Variants in RSPH10B2 observed in about 807,000 individuals in gnomAD.
RSPH10B2 encodes radial spoke head 10 homolog B2 (Chlamydomonas).
A neutral mutation model predicts 49.0 loss-of-function variants in RSPH10B2; 9 were observed. That is an observed-to-expected ratio of 0.18 (90% CI 0.11 to 0.32). RSPH10B2 has a LOEUF of 0.32. Among genes scored for constraint, RSPH10B2 ranks in the 10% least tolerant of loss-of-function variants. RSPH10B2 has a pLI of 1.00. For synonymous variants in RSPH10B2, 35 were observed against 210.2 expected, an observed-to-expected ratio of 0.17 and a Z score of 7.21; for missense variants, 95 against 589.9, an observed-to-expected ratio of 0.16 and a Z score of 8.69.
chr7:6,797,527 C>A (rs1782635455), intron 18 of RSPH10B2, among the ~76,000 whole-genome samples: 2 of 152,316 alleles, frequency 1.3e-5, no homozygotes, highest in Middle Eastern at 3.4e-3. Context: ...TAACTAATAG[C>A]CAGTGACTTA....
intron 18 of RSPH10B2, among the ~76,000 whole-genome samples, chr7:6,797,865 ATAC>A (rs1348695966): frequency 1.1e-5 from 1 of 92,222 alleles, no homozygotes; most frequent in Non-Finnish European, 2.0e-5. Context: ...AAAAAAAAAA[ATAC>A]ACACACACAC....
intron 11 of RSPH10B2, among the ~76,000 whole-genome samples, chr7:6,780,414 C>T (rs1376522195): frequency 8.5e-6 from 1 of 117,324 alleles, no homozygotes; most frequent in Non-Finnish European, 1.8e-5. Flanking sequence ...GATGGAATCT[C>T]GCTCTGTCAC....
At chr7:6,769,719 G>A (rs867614507) in intron 7 of RSPH10B2, among the ~76,000 whole-genome samples, 20 of 114,640 alleles carry the variant, frequency 1.7e-4, no homozygotes, top group Non-Finnish European at 3.5e-4. Flanking sequence ...CACTAGAGTA[G>A]CTGGGATTAC....
Position 6,780,919 on chromosome 7 carries a change from C to A in RSPH10B2, c.1609+31C>A. Reference sequence around the variant, plus strand: ...TACAAAACCAATAGGATTCTATTTACCGCCCCATTTTTTTTTCTCAAAATA... The same window carrying A: ...TACAAAACCAATAGGATTCTATTTAACGCCCCATTTTTTTTTCTCAAAATA... On this transcript the variant is annotated intron_variant, in intron 12 of 18. Transcript: ENST00000297186. The A allele has an allele frequency of 1.4e-6, 2 of 1,411,478 alleles. 1 individual carries two copies. Among genetic ancestry groups the A allele is most frequent in the Non-Finnish European group, 1.9e-6 (2 of 1,067,882 alleles). 87.4% of individuals were successfully genotyped at this position (1,411,478 alleles called of 1,614,324 possible). A position where few individuals can be genotyped will look rare whatever the true frequency, so the allele number is the denominator to read the frequency against.
intron 4 of RSPH10B2, among the ~76,000 whole-genome samples, chr7:6,764,711 TGTGTGTGTGTGTG>T (rs1201529131): frequency 7.4e-5 from 1 of 13,492 alleles, no homozygotes; most frequent in Non-Finnish European, 1.8e-4. Context: ...GTTGTTGTTG[TGTGTGTGTGTGTG>T]TGTGTGTGTG....
At chr7:6,786,721 ATGTG>A (rs1053749951) in intron 14 of RSPH10B2, among the ~76,000 whole-genome samples, 153 bp from the exon 17 acceptor site, 33 of 140,518 alleles carry the variant, frequency 2.3e-4, no homozygotes, top group African/African-American at 7.1e-4. Flanking sequence ...GTGTGTGTGC[ATGTG>A]TGTGTGTCTT....
At chr7:6,796,042 G>A (rs1332050593) in intron 17 of RSPH10B2, among the ~76,000 whole-genome samples, 25 of 144,046 alleles carry the variant, frequency 1.7e-4, no homozygotes, top group African/African-American at 6.4e-4. Flanking sequence ...AGAGGTGGCT[G>A]GGCACAGTGG....
upstream of RSPH10B2, among the ~76,000 whole-genome samples, chr7:6,756,224 C>T (rs1781082231): frequency 7.1e-6 from 1 of 140,370 alleles, no homozygotes; most frequent in Admixed American, 7.0e-5. Context: ...GAGCCAAGAT[C>T]GCACCACCGC....
At chr7:6,782,551 C>T (rs1168200147) in intron 13 of RSPH10B2, among the ~76,000 whole-genome samples, 3 of 122,978 alleles carry the variant, frequency 2.4e-5, no homozygotes, top group African/African-American at 9.7e-5. Flanking sequence ...AATGGAGGAA[C>T]ACCTTAGTCT....
intron 18 of RSPH10B2, among the ~76,000 whole-genome samples, chr7:6,797,571 C>A: frequency 6.6e-6 from 1 of 152,256 alleles, no homozygotes; most frequent in Non-Finnish European, 1.5e-5. Flanking sequence ...CCATAAAGTC[C>A]CCAAATGGGC....
intron 17 of RSPH10B2, among the ~76,000 whole-genome samples, chr7:6,793,925 T>C (rs1782453425): frequency 1.3e-5 from 2 of 150,516 alleles, no homozygotes; most frequent in Admixed American, 1.3e-4. Flanking sequence ...CCTTTGCTGC[T>C]AGGCATCTTG....
At chr7:6,774,758 T>TG (rs1781709679) in intron 9 of RSPH10B2, among the ~76,000 whole-genome samples, 1 of 144,282 alleles carries the variant, frequency 6.9e-6, no homozygotes, top group Non-Finnish European at 1.5e-5. Flanking sequence ...TTTTTTTGTT[T>TG]TTTTTTTTTT....
Position 6,781,464 on chromosome 7 carries a change from C to T in RSPH10B2, c.1746C>T (p.Leu582=), listed in dbSNP as rs770953591. ...CTACGATGAAGATGAGACACTTCCT[C>T]TGGATGCTGAAAGTAACCACCTAAG... Residue 582 remains leucine, a synonymous_variant, in exon 13 of 19, where the codon CTC becomes CTT. Coordinates refer to ENST00000297186, the Ensembl canonical transcript of RSPH10B2. 8.7e-5 allele frequency: 110 copies of T among 1,259,168 alleles called. 28 individuals are homozygous for T. Among genetic ancestry groups the T allele is most frequent in the Non-Finnish European group, 1.0e-4 (101 of 968,440 alleles). 78.0% of individuals were successfully genotyped at this position (1,259,168 alleles called of 1,614,324 possible).
At chr7:6,792,696 A>T (rs1782391715) in intron 17 of RSPH10B2, among the ~76,000 whole-genome samples, 1 of 119,454 alleles carries the variant, frequency 8.4e-6, no homozygotes, top group Non-Finnish European at 1.7e-5. Flanking sequence ...TTCCGCTGTT[A>T]CTCTGCCGGC....
At chr7:6,764,471 C>T (rs1431469426) in intron 4 of RSPH10B2, among the ~76,000 whole-genome samples, 1 of 151,234 alleles carries the variant, frequency 6.6e-6, no homozygotes, top group African/African-American at 2.4e-5. Flanking sequence ...AGCAAATCTC[C>T]TGCCTCAGCC....
At chr7:6,766,758 T>C in exon 6 of RSPH10B2, 1 of 415,098 alleles carries the variant, frequency 2.4e-6, no homozygotes, top group Non-Finnish European at 4.0e-6. Context: ...TCATCCTAGT[T>C]ATAAATCTGG....
intron 18 of RSPH10B2, among the ~76,000 whole-genome samples, chr7:6,797,558 C>A (rs1164382237): frequency 1.3e-5 from 2 of 151,740 alleles, no homozygotes; most frequent in Admixed American, 6.6e-5. Context: ...CATATTGGAC[C>A]CTCCATAAAG....
chr7:6,756,132 T>C (rs574836787), upstream of RSPH10B2, among the ~76,000 whole-genome samples: 954 of 146,306 alleles, frequency 6.5e-3, 3 homozygotes, highest in South Asian at 0.016. Context: ...TAGCCAGGTG[T>C]GGTGGTGGGT....
intron 15 of RSPH10B2, 70 bp downstream of exon 17, chr7:6,787,091 C>G: frequency 1.0e-6 from 1 of 955,670 alleles, no homozygotes; most frequent in South Asian, 1.7e-5. Flanking sequence ...CACGGTGGCT[C>G]ACGCCTGTAA....
Sources: allele counts gnomAD v4.1 joint callset (sites outside exome capture counted in the v4.1 genomes callset), GRCh38; gene constraint gnomAD v4.1.1; transcripts MANE v1.5; gene names NCBI Gene and HGNC (gene_info 2026-07-23, HGNC 2026-07-21).